The following DENND2D variants were observed in gnomAD, a reference collection of about 807,000 sequenced individuals.
DENND2D encodes DENN domain-containing protein 2D.
Under a neutral mutation model 59.8 loss-of-function variants are expected in DENND2D, and 37 were observed. The ratio of observed to expected loss-of-function variants is 0.62; its 90% CI spans 0.48 to 0.81. The LOEUF (loss-of-function observed/expected upper bound fraction) is 0.81. Ranked by LOEUF, DENND2D falls within the 40% of genes least tolerant of loss-of-function variation. The pLI is 0.00. For synonymous variants in DENND2D, 219 were observed against 211.3 expected (o/e 1.04, Z -0.31); for missense variants, 525 against 579.7 (o/e 0.91, Z 0.97).
At chr1:111,196,326 C>G (rs1359102978) in intron 5 of DENND2D, 2 of 288,800 alleles carry the variant, frequency 6.9e-6, no homozygotes, top group South Asian at 5.5e-5. Context: ...TTCTTCCCCT[C>G]TCCTAACACC....
In DENND2D at chr1:111,188,370, G is replaced by A; in HGVS notation, c.1100C>T (p.Thr367Ile). The A allele has an allele frequency of 6.2e-7, 1 of 1,613,082 alleles. No homozygotes were observed. Among genetic ancestry groups the A allele is most frequent in the East Asian group, 2.2e-5 (1 of 44,872 alleles). ...AACATGCTCGTTGATTTGTTCTGCA[G>A]CTGCAGGAGATATAAAGGCCATCTC... The part of the protein sequence containing the change: ...SLGQGINELK[T>I]AEQINEHVSG... Residue 367 changes from threonine (T) to isoleucine (I), a missense_variant and splice_region_variant, in exon 11 of 12, where the codon ACT becomes ATT. Thr to Ile is a moderately conservative substitution (Grantham distance 89). Transcript: ENST00000357640.
Position 111,199,652 on chromosome 1 carries a change from C to T in DENND2D, c.214G>A (p.Glu72Lys), listed in dbSNP as rs201442513. ...LKKKRSEDDY[E>K]PIITYQFPKR... ...GGAAATTGGTAGGTGATTATAGGCT[C>T]GTAATCATCCTCTGAACGCTTCTTT... Residue 72 changes from glutamate to lysine, a missense_variant, in exon 2 of 12, where the codon GAG (glutamate) becomes AAG (lysine). Glu to Lys is a moderately conservative substitution (Grantham distance 56). Transcript: ENST00000357640. 38 of 1,613,850 alleles carry T rather than the reference C, an allele frequency of 2.4e-5. No homozygotes were observed. The highest frequency in any genetic ancestry group is 1.6e-4 in the Middle Eastern group (1 of 6,082).
chr1:111,198,596 A>T (rs748353437), intron 3 of DENND2D, 34 bp downstream of exon 3: 36 of 1,606,264 alleles, frequency 2.2e-5, no homozygotes, highest in Non-Finnish European at 3.1e-5. Flanking sequence ...CTTCTCCCCA[A>T]ATCCAATACC....
upstream of DENND2D, among the ~76,000 whole-genome samples, chr1:111,203,843 AG>A (rs1423827855): frequency 1.3e-5 from 2 of 151,158 alleles, no homozygotes; most frequent in East Asian, 2.0e-4. Context: ...GGGCAGGGGC[AG>A]GGGCGCTGGC....
At chr1:111,188,615 T>A (rs545838966) in intron 10 of DENND2D, 87 bp downstream of exon 10, 16 of 1,326,130 alleles carry the variant, frequency 1.2e-5, no homozygotes, top group Non-Finnish European at 1.7e-5. Context: ...GACTACTGAA[T>A]GAGTTCATTT....
At chr1:111,190,863 G>A (rs757157856) in intron 8 of DENND2D, among the ~76,000 whole-genome samples, 1 of 152,218 alleles carries the variant, frequency 6.6e-6, no homozygotes, top group Non-Finnish European at 1.5e-5. Context: ...TGTATACATA[G>A]GCTCAGATGC....
intron 3 of DENND2D, 137 bp from the exon 4 acceptor site, chr1:111,198,126 A>AG (rs769447810): frequency 1.3e-6 from 1 of 769,798 alleles, no homozygotes; most frequent in Non-Finnish European, 2.2e-6. Flanking sequence ...CACTGGTGTC[A>AG]GGCCCTAAAC....
Position 111,196,075 on chromosome 1 carries a change from C to T in DENND2D, c.505-19G>A, listed in dbSNP as rs754245478. On this transcript the variant is annotated intron_variant, in intron 5 of 11. Transcript: ENST00000357640. ...CCAGGATCTGCAGGGAAAAGAACCA[C>T]GGGAGGCACGGCTCAAAGGGACACT... is the stretch of plus-strand genomic sequence containing the variant. 19 of 1,591,100 alleles carry T rather than the reference C, an allele frequency of 1.2e-5. No homozygotes were observed. The highest frequency in any genetic ancestry group is 6.7e-5 in the African/African-American group (5 of 74,320).
chr1:111,195,718 G>A (rs1658163374), intron 6 of DENND2D, 198 bp downstream of exon 6: 1 of 659,536 alleles, frequency 1.5e-6, no homozygotes, highest in Admixed American at 2.7e-5. Flanking sequence ...CAGTAACTAG[G>A]TGCTTGTGGG....
chr1:111,203,963 G>C (rs1018618079), upstream of DENND2D, among the ~76,000 whole-genome samples: 18 of 152,226 alleles, frequency 1.2e-4, no homozygotes, highest in East Asian at 2.3e-3. Flanking sequence ...CACCACAACC[G>C]GGGCGCTTTC....
chr1:111,188,796 G>A lies in DENND2D; in HGVS notation c.1015-10C>T. The A allele has an allele frequency of 6.2e-7, 1 of 1,613,262 alleles. No homozygotes were observed. Among genetic ancestry groups the A allele is most frequent in the South Asian group, 1.1e-5 (1 of 91,042 alleles). On this transcript the variant is annotated splice_polypyrimidine_tract_variant and intron_variant, in intron 9 of 11. Transcript: ENST00000357640. ...CTTTTTCATCACCAACCTAGAAGAG[G>A]ACAGAGCTCCGAGGTCAAGCAGGAA...
At chr1:111,202,694 G>GAGACACAC (rs1216576531), upstream of DENND2D, among the ~76,000 whole-genome samples, 1 of 23,622 alleles carries the variant, frequency 4.2e-5, no homozygotes, top group Non-Finnish European at 7.0e-5. Flanking sequence ...TTGTCACCAG[G>GAGACACAC]ATACACACAC....
Position 111,188,253 on chromosome 1 carries a change from T to G in DENND2D, c.1217A>C (p.Glu406Ala), listed in dbSNP as rs1657402578. The G allele has an allele frequency of 6.2e-7, 1 of 1,614,214 alleles. No homozygotes were observed. Among genetic ancestry groups the G allele is most frequent in the African/African-American group, 1.3e-5 (1 of 75,050 alleles). Reference protein sequence around the residue: ...REANGQGHFQERSFCKALTSK... With the variant: ...REANGQGHFQARSFCKALTSK... ...GGTCAGAGCCTTACAGAAGGATCTTTCTTGGAAGTGGCCTTGCCCATTTGC... is the reference window on the plus strand; with the variant it reads ...GGTCAGAGCCTTACAGAAGGATCTTGCTTGGAAGTGGCCTTGCCCATTTGC... Residue 406 changes from glutamate to alanine, a missense_variant, in exon 11 of 12, where the codon GAA (glutamate) becomes GCA (alanine). Around this residue, in one of 3 missense-constraint regions of DENND2D, gnomAD observed 225 missense variants for 252.4 expected, o/e 0.89. Transcript: ENST00000357640.
In DENND2D at chr1:111,198,084, G is replaced by A. The variant is rs911240521; in HGVS notation, c.357-95C>T. 7.4e-6 allele frequency: 9 copies of A among 1,217,874 alleles called. No homozygotes were observed. In the South Asian group the frequency reaches 7.8e-5, roughly 11 times the overall value. 75.4% of individuals were successfully genotyped at this position (1,217,874 alleles called of 1,614,324 possible). A position where few individuals can be genotyped will look rare whatever the true frequency, so the allele number is the denominator to read the frequency against. On this transcript the variant is annotated intron_variant, in intron 3 of 11. Coordinates refer to ENST00000357640, the MANE Select transcript of DENND2D (RefSeq NM_024901.5). ...TAGAGGGTGGAGAGGAGGGCAAAGG[G>A]GAGTTGCTGATTAATCACAGGAGTA...
upstream of DENND2D, chr1:111,200,793 A>G: frequency 9.6e-7 from 1 of 1,037,368 alleles, no homozygotes; most frequent in East Asian, 5.8e-5. Flanking sequence ...AGTAGCCGGA[A>G]AGGCCTGGCT....
chr1:111,198,997 C>T (rs1160101881), intron 2 of DENND2D, among the ~76,000 whole-genome samples: 4 of 152,194 alleles, frequency 2.6e-5, no homozygotes, highest in African/African-American at 4.8e-5. Context: ...ACCTCAGTAT[C>T]GAGATCTACA....
At chr1:111,196,998 A>C (rs1325656377) in intron 5 of DENND2D, 178 bp downstream of exon 5, 1 of 682,352 alleles carries the variant, frequency 1.5e-6, no homozygotes. Flanking sequence ...CCTAGATTCA[A>C]TTTCCACTTT....
chr1:111,198,108 T>A, intron 3 of DENND2D, 119 bp from the exon 4 acceptor site: 1 of 918,936 alleles, frequency 1.1e-6, no homozygotes, highest in Non-Finnish European at 1.7e-6. Flanking sequence ...ATCACAGGAG[T>A]AAGGGCTCAC....
chr1:111,195,795 G>T, intron 6 of DENND2D, 121 bp downstream of exon 6: 1 of 1,415,048 alleles, frequency 7.1e-7, no homozygotes. Flanking sequence ...CCAAGTCCCA[G>T]TCCCCATCTG....
Sources: gnomAD v4.1 joint callset for allele counts (sites outside exome capture counted in the v4.1 genomes callset) on GRCh38, gnomAD v4.1.1 for gene constraint, gnomAD v4.1.1 regional missense constraint, MANE v1.5 for transcripts, NCBI Gene and HGNC (gene_info 2026-07-23, HGNC 2026-07-21) for gene names.